Variants in TASOR2 observed in about 807,000 individuals in gnomAD.
TASOR2 encodes the protein protein TASOR 2.
Under a neutral mutation model 199.5 loss-of-function variants are expected in TASOR2, and 84 were observed. The observed-to-expected ratio is 0.42, with a 90% CI of 0.35 to 0.50. TASOR2 has a LOEUF of 0.50. Ranked by LOEUF, TASOR2 falls within the 20% of genes least tolerant of loss-of-function variation. The pLI is 0.02. For synonymous variants in TASOR2, 1,103 were observed against 1,046.6 expected (o/e 1.05, Z -1.04); for missense variants, 2,796 against 2,835.9 (o/e 0.99, Z 0.32).
At chr10:5,723,702 G>A (rs1367964088) in exon 7 of TASOR2, 2 of 1,591,468 alleles carry the variant, frequency 1.3e-6, no homozygotes, top group South Asian at 2.3e-5. Flanking sequence ...TTTTAAATAT[G>A]TAATGAAAGT....
At position 5,751,158 on chromosome 10, in the gene TASOR2, T is replaced by C. The variant is rs1022843766; in HGVS notation, c.6606+1131T>C. Among the ~76,000 whole-genome samples the C allele has an allele frequency of 4.6e-5, 7 of 152,244 alleles. No individual in the cohort carries two copies. Among genetic ancestry groups the C allele is most frequent in the African/African-American group, 1.7e-4 (7 of 41,462 alleles). Reference sequence around the variant, plus strand: ...TATTAACCTTTTCACTTGGTTAAGATGATTTCTGCCAGGTTTCTCCAGTGT... The same window carrying C: ...TATTAACCTTTTCACTTGGTTAAGACGATTTCTGCCAGGTTTCTCCAGTGT... On this transcript the variant is annotated intron_variant, in intron 15 of 20. Transcript: ENST00000328090. This position sits in a 1 kb window ranked among gnomAD's most constrained non-coding sequence, Gnocchi z 5.3.
At chr10:5,703,746 G>T (rs1157304353) in intron 1 of TASOR2, among the ~76,000 whole-genome samples, 3 of 151,222 alleles carry the variant, frequency 2.0e-5, no homozygotes, top group South Asian at 2.1e-4. Context: ...CTCGTGATCC[G>T]CCCGCCTCTG....
intron 2 of TASOR2, among the ~76,000 whole-genome samples, chr10:5,717,404 C>G (rs779701031): frequency 6.6e-6 from 1 of 152,108 alleles, no homozygotes; most frequent in African/African-American, 2.4e-5. Context: ...CTTCTGACCA[C>G]AGAATTAGCG....
intron 1 of TASOR2, among the ~76,000 whole-genome samples, chr10:5,708,082 T>G (rs1003162824): frequency 6.6e-6 from 1 of 152,232 alleles, no homozygotes; most frequent in African/African-American, 2.4e-5. Context: ...AAATGTGCTG[T>G]AAAACTATAC....
rs181961470 is a variant in TASOR2, at chr10:5,719,306, A to C, written c.-99-1238A>C. Among the ~76,000 whole-genome samples, 2 of 152,228 alleles carry C rather than the reference A, an allele frequency of 1.3e-5. No homozygotes were observed. Among genetic ancestry groups the C allele is most frequent in the Admixed American group, 1.3e-4 (2 of 15,276 alleles). ...AGCTTTTAAAATCATTGCATATTTC[A>C]TCATAATGGTAAACTTGGCTTACTT... On this transcript the variant is annotated intron_variant, in intron 3 of 20. Coordinates refer to ENST00000328090, the Ensembl canonical transcript of TASOR2. This position sits in a 1 kb window ranked among gnomAD's most constrained non-coding sequence, Gnocchi z 4.1.
In TASOR2 at chr10:5,748,920, C is replaced by T. The variant is rs369433189; in HGVS notation, c.5499C>T (p.Asp1833=). The T allele has an allele frequency of 2.5e-5, 41 of 1,613,926 alleles. No individual in the cohort carries two copies. The highest frequency in any genetic ancestry group is 3.1e-5 in the Non-Finnish European group (37 of 1,180,038). Residue 1833 remains aspartate, a synonymous_variant, in exon 15 of 21, where the codon GAC becomes GAT. Transcript: ENST00000328090. The surrounding 1 kb of genome is among the most constrained non-coding windows in gnomAD (Gnocchi z 5.1). ...AACTCTCTGGAGATTCTGATCTAGA[C>T]CTGCTTGGTGATTGTAGAAATCCCA...
At chr10:5,757,651 G>A (rs978663560) in exon 17 of TASOR2, 3 of 1,613,250 alleles carry the variant, frequency 1.9e-6, no homozygotes, top group Middle Eastern at 1.7e-4. Context: ...CAGATGACAA[G>A]ATACTAGAAG....
Position 5,690,134 on chromosome 10 carries a change from A to G in TASOR2, c.-288+4959A>G, listed in dbSNP as rs1836264352. ...ATATTTAATTTTTTCCTTTTTACTTATTTATATTTGCTAAAAGATTACCTA... is the reference window on the plus strand; with the variant it reads ...ATATTTAATTTTTTCCTTTTTACTTGTTTATATTTGCTAAAAGATTACCTA... On this transcript the variant is annotated intron_variant, in intron 1 of 20. Transcript: ENST00000328090. This position sits in a 1 kb window ranked among gnomAD's most constrained non-coding sequence, Gnocchi z 4.8. Among the ~76,000 whole-genome samples the G allele has an allele frequency of 6.6e-6, 1 of 151,972 alleles. No homozygotes were observed. Among genetic ancestry groups the G allele is most frequent in the Non-Finnish European group, 1.5e-5 (1 of 67,982 alleles).
At chr10:5,700,289 G>A (rs1024173278) in intron 1 of TASOR2, among the ~76,000 whole-genome samples, 1 of 151,940 alleles carries the variant, frequency 6.6e-6, no homozygotes, top group African/African-American at 2.4e-5. Flanking sequence ...TTTTATGGCT[G>A]AATAATATTG....
Position 5,722,286 on chromosome 10 carries a change from C to A in TASOR2, c.146+1316C>A, listed in dbSNP as rs1056205204. ...CCTGGGCAACATGGCGAAACCCTCT[C>A]CCTAATAAAAATACAAAAAATTAGC... is the stretch of plus-strand genomic sequence containing the variant. On this transcript the variant is annotated intron_variant, in intron 6 of 20. Transcript: ENST00000328090. The surrounding 1 kb of genome is among the most constrained non-coding windows in gnomAD (Gnocchi z 4.0). Among the ~76,000 whole-genome samples, 1 of 151,994 alleles carries A rather than the reference C, an allele frequency of 6.6e-6. No homozygotes were observed. Among genetic ancestry groups the A allele is most frequent in the African/African-American group, 2.4e-5 (1 of 41,352 alleles).
At chr10:5,739,457 G>A (rs1249219085) in intron 12 of TASOR2, among the ~76,000 whole-genome samples, 161 bp from the exon 14 acceptor site, 1 of 152,148 alleles carries the variant, frequency 6.6e-6, no homozygotes, top group Non-Finnish European at 1.5e-5. Context: ...AGTTTTATCT[G>A]AGGGTTGGAA....
intron 1 of TASOR2, among the ~76,000 whole-genome samples, chr10:5,708,639 CCTT>C (rs1381032637): frequency 0.099 from 3,240 of 32,736 alleles, 223 homozygotes; most frequent in African/African-American, 0.19. Context: ...TTCCTCCCTT[CCTT>C]CCTTCCTTCC....
intron 20 of TASOR2, 68 bp from the exon 22 acceptor site, chr10:5,762,961 C>T: frequency 6.8e-7 from 1 of 1,479,006 alleles, no homozygotes; most frequent in Non-Finnish European, 9.3e-7. Flanking sequence ...ATTAGAGCAT[C>T]CCGCTTATAA....
Position 5,740,376 on chromosome 10 carries a change from G to C in TASOR2, c.2206G>C (p.Val736Leu). The change falls in exon 13 of 21, where the codon GTG becomes CTG. Residue 736 changes from valine to leucine, a missense_variant. Transcript: ENST00000328090. This position sits in a 1 kb window ranked among gnomAD's most constrained non-coding sequence, Gnocchi z 5.3. The stretch of plus-strand genomic sequence containing the variant: ...GAAAAAATCTTCTTGCTCTCGTATA[G>C]TGCTTAGCTGTGATGACTCCGTTAA... 5 of 1,614,202 alleles carry C rather than the reference G, an allele frequency of 3.1e-6. No individual in the cohort carries two copies. The highest frequency in any genetic ancestry group is 4.2e-6 in the Non-Finnish European group (5 of 1,180,042).
At chr10:5,721,020 G>A (rs1833292992) in intron 6 of TASOR2, 50 bp downstream of exon 7, 1 of 1,497,252 alleles carries the variant, frequency 6.7e-7, no homozygotes, top group Non-Finnish European at 9.1e-7. Flanking sequence ...TACAAGTTTT[G>A]GGGTTTTTTT....
chr10:5,688,971 C>T (rs1588559122), intron 1 of TASOR2, among the ~76,000 whole-genome samples: 1 of 152,116 alleles, frequency 6.6e-6, no homozygotes, highest in Admixed American at 6.5e-5. Context: ...CCACTGCACA[C>T]CTTCCTGGGT....
chr10:5,692,149 C>A (rs866787178), intron 1 of TASOR2, among the ~76,000 whole-genome samples: 2,209 of 112,104 alleles, frequency 0.02, 1 homozygote, highest in Non-Finnish European at 0.022. Flanking sequence ...CACTCTGTCT[C>A]AAAAAAAAAA....
At chr10:5,733,326 G>C (rs1835107852) in intron 11 of TASOR2, among the ~76,000 whole-genome samples, 1 of 152,076 alleles carries the variant, frequency 6.6e-6, no homozygotes, top group African/African-American at 2.4e-5. Flanking sequence ...TGGCCAACAT[G>C]GTGAAACCCC....
intron 12 of TASOR2, 25 bp downstream of exon 13, chr10:5,735,571 T>A (rs1220586667): frequency 3.1e-6 from 5 of 1,609,556 alleles, no homozygotes; most frequent in Non-Finnish European, 4.2e-6. Context: ...TCCTATAAAT[T>A]TAAACACCCC....
Sources: gnomAD v4.1 joint callset for allele counts (sites outside exome capture counted in the v4.1 genomes callset) on GRCh38, gnomAD v4.1.1 for gene constraint, Gnocchi (gnomAD v3.1) non-coding constraint, MANE v1.5 for transcripts, NCBI Gene and HGNC (gene_info 2026-07-23, HGNC 2026-07-21) for gene names.